SLC33A1: variants seen among roughly 807,000 people sequenced by gnomAD.
SLC33A1 encodes solute carrier family 33 member 1, also known as acetyl-coenzyme A transporter 1.
A neutral mutation model predicts 50.0 loss-of-function variants in SLC33A1; 20 were observed. The observed-to-expected ratio is 0.40, with a 90% CI of 0.28 to 0.58. The LOEUF is 0.58. SLC33A1 is among the 20% of genes least tolerant of loss of function. SLC33A1 has a pLI of 0.44. For missense variants in SLC33A1, 476 were observed against 657.0 expected, an observed-to-expected ratio of 0.72 and a Z score of 3.01; for synonymous variants, 265 against 251.8, an observed-to-expected ratio of 1.05 and a Z score of -0.50.
In SLC33A1 at chr3:155,822,845, G is replaced by A. The variant is rs374175355; in HGVS notation, c.*5365C>T. 2 of 152,006 alleles carry A rather than the reference G, an allele frequency of 1.3e-5. No individual in the cohort carries two copies. The highest frequency in any genetic ancestry group is 4.8e-5 in the African/African-American group (2 of 41,396). The allele number at this position is 152,006 out of a possible 1,614,324, so 9.4% of individuals were successfully genotyped here. A position where few individuals can be genotyped will look rare whatever the true frequency, so the allele number is the denominator to read the frequency against. On this transcript the variant is annotated 3_prime_UTR_variant, in exon 6 of 6. Coordinates refer to ENST00000643144, the MANE Select transcript of SLC33A1 (RefSeq NM_004733.4). ...TTGGGCAAAATTTTTTTAGAGTAAA[G>A]GTGATTAGTCATAGAACTTTCTTTC... is the stretch of plus-strand genomic sequence containing the variant.
chr3:155,840,492 G>A (rs1360887610), intron 2 of SLC33A1, among the ~76,000 whole-genome samples: 1 of 151,680 alleles, frequency 6.6e-6, no homozygotes, highest in Non-Finnish European at 1.5e-5. Context: ...GAACGGCCTG[G>A]TCAACAGGGT....
chr3:155,831,161 A>G (rs963939012), intron 4 of SLC33A1, among the ~76,000 whole-genome samples: 1 of 152,114 alleles, frequency 6.6e-6, no homozygotes, highest in African/African-American at 2.4e-5. Flanking sequence ...TGTTCACTTA[A>G]TATTTGTTGA....
rs6805683 is a variant in SLC33A1, at chr3:155,824,019, T to G, written c.*4191A>C. ...GTGAGCCACCATGCCCAGCCTGCAA[T>G]AGGTATTCAAAATCCTCCCTAAGAG... On this transcript the variant is annotated 3_prime_UTR_variant, in exon 6 of 6. Coordinates refer to ENST00000643144, the MANE Select transcript of SLC33A1 (RefSeq NM_004733.4). 0.2 allele frequency: 29,986 copies of G among 152,024 alleles called. 7,519 individuals are homozygous for G. The highest frequency in any genetic ancestry group is 0.58 in the African/African-American group (24,031 of 41,382). The allele number at this position is 152,024 out of a possible 1,614,324, so 9.4% of individuals were successfully genotyped here.
chr3:155,824,041 A>C lies in SLC33A1; in HGVS notation c.*4169T>G, dbSNP rs1560008682. Reference sequence around the variant, plus strand: ...CAATAGGTATTCAAAATCCTCCCTAAGAGAAAATAATTGTGCCTCGCTATC... The same window carrying C: ...CAATAGGTATTCAAAATCCTCCCTACGAGAAAATAATTGTGCCTCGCTATC... On this transcript the variant is annotated 3_prime_UTR_variant, in exon 6 of 6. Transcript: ENST00000643144. 2 of 152,172 alleles carry C rather than the reference A, an allele frequency of 1.3e-5. No homozygotes were observed. The highest frequency in any genetic ancestry group is 4.8e-5 in the African/African-American group (2 of 41,458). The allele number at this position is 152,172 out of a possible 1,614,324, so 9.4% of individuals were successfully genotyped here. A position where few individuals can be genotyped will look rare whatever the true frequency, so the allele number is the denominator to read the frequency against.
intron 1 of SLC33A1, among the ~76,000 whole-genome samples, chr3:155,849,518 T>C (rs1161634633): frequency 6.6e-6 from 1 of 151,002 alleles, no homozygotes; most frequent in Non-Finnish European, 1.5e-5. Context: ...CCACTACAGA[T>C]ATAAACAGTT....
chr3:155,839,505 G>T (rs554124213), intron 2 of SLC33A1, among the ~76,000 whole-genome samples: 3 of 151,396 alleles, frequency 2.0e-5, no homozygotes, highest in East Asian at 1.9e-4. Flanking sequence ...ACAGAAAAAT[G>T]AGATTACGGA....
chr3:155,839,759 C>T (rs1752850649), intron 2 of SLC33A1, among the ~76,000 whole-genome samples: 1 of 151,912 alleles, frequency 6.6e-6, no homozygotes, highest in South Asian at 2.1e-4. Context: ...ACCAGCCTGG[C>T]CGACATAGTG....
chr3:155,836,701 A>G (rs955934849), intron 2 of SLC33A1, among the ~76,000 whole-genome samples: 2 of 152,138 alleles, frequency 1.3e-5, no homozygotes, highest in African/African-American at 4.8e-5. Context: ...GCTCAAGACC[A>G]GTCTGGACAT....
Position 155,824,718 on chromosome 3 carries a change from T to C in SLC33A1, c.*3492A>G, listed in dbSNP as rs936756096. The stretch of plus-strand genomic sequence containing the variant: ...TTTCAAAACCATGATTTTTGGATCA[T>C]GGCCCATCCAAGATTTTACTCTGTT... On this transcript the variant is annotated 3_prime_UTR_variant, in exon 6 of 6. Coordinates refer to ENST00000643144, the MANE Select transcript of SLC33A1 (RefSeq NM_004733.4). The C allele has an allele frequency of 3.9e-5, 6 of 152,136 alleles. No homozygotes were observed. Among genetic ancestry groups the C allele is most frequent in the African/African-American group, 1.2e-4 (5 of 41,424 alleles). The allele number at this position is 152,136 out of a possible 1,614,324, so 9.4% of individuals were successfully genotyped here.
In SLC33A1 at chr3:155,842,521, G is replaced by A. The variant is rs146695209; in HGVS notation, c.874C>T (p.Gln292Ter). ...NEVSVVKEET[Q>*]GITDTYKLLF... ...AGCTTGTAAGTATCTGTGATCCCTT[G>A]TGTTTCTTCTTTTACTACTGATACT... Residue 292 changes from glutamine to a stop codon, truncating the protein, a stop_gained, in exon 2 of 6, where the codon CAA becomes TAA. Transcript: ENST00000643144. LOFTEE classifies it high-confidence loss of function. The A allele has an allele frequency of 6.2e-7, 1 of 1,609,152 alleles. No individual in the cohort carries two copies. Among genetic ancestry groups the A allele is most frequent in the Non-Finnish European group, 8.5e-7 (1 of 1,176,632 alleles).
chr3:155,829,648 A>T, intron 5 of SLC33A1, 40 bp downstream of exon 5: 1 of 1,305,338 alleles, frequency 7.7e-7, no homozygotes, highest in Non-Finnish European at 1.1e-6. Context: ...TTAATATCTT[A>T]GTATTAGCTT....
At position 155,824,147 on chromosome 3, in the gene SLC33A1, T is replaced by C. The variant is rs1752151352; in HGVS notation, c.*4063A>G. The C allele has an allele frequency of 6.6e-6, 1 of 152,232 alleles. No individual in the cohort carries two copies. Among genetic ancestry groups the C allele is most frequent in the South Asian group, 2.1e-4 (1 of 4,836 alleles). The allele number at this position is 152,232 out of a possible 1,614,324, so 9.4% of individuals were successfully genotyped here. ...TTCCCTTCTGTAACCAAAATACTTA[T>C]TAAATATATGAATGCTAGTTATCAG... is the stretch of plus-strand genomic sequence containing the variant. On this transcript the variant is annotated 3_prime_UTR_variant, in exon 6 of 6. Transcript: ENST00000643144.
chr3:155,839,216 C>T (rs1394024444), intron 2 of SLC33A1, among the ~76,000 whole-genome samples: 6 of 147,622 alleles, frequency 4.1e-5, no homozygotes, highest in African/African-American at 7.4e-5. Flanking sequence ...GCAGGAAAAT[C>T]GCTTGAATCC....
In SLC33A1 at chr3:155,821,847, A is replaced by T. The variant is rs1752099245; in HGVS notation, c.*6363T>A. ...GAGAATAGTAGCACAATCTCGGCTC[A>T]CTGCAACATCCCTCTCTCAGGTTCA... On this transcript the variant is annotated 3_prime_UTR_variant, in exon 6 of 6. Transcript: ENST00000643144. 1 of 149,332 alleles carries T rather than the reference A, an allele frequency of 6.7e-6. No homozygotes were observed. Among genetic ancestry groups the T allele is most frequent in the African/African-American group, 2.5e-5 (1 of 40,410 alleles). The allele number at this position is 149,332 out of a possible 1,614,324, so 9.3% of individuals were successfully genotyped here.
Position 155,853,895 on chromosome 3 carries a change from A to C in SLC33A1, c.103T>G (p.Trp35Gly). ...MKSGPLPPGG[W>G]DDSHLDSAGR... ...GCTGAGTCCAAATGACTGTCATCCC[A>C]ACCGCCTGGCGGCAGGGGACCGCTC... The change falls in exon 1 of 6, where the codon TGG becomes GGG. Residue 35 changes from tryptophan (W) to glycine (G), a missense_variant. Trp to Gly is a radical substitution (Grantham distance 184, BLOSUM62 -2). Transcript: ENST00000643144. 1 of 1,549,598 alleles carries C rather than the reference A, an allele frequency of 6.5e-7. No individual in the cohort carries two copies. Among genetic ancestry groups the C allele is most frequent in the South Asian group, 1.2e-5 (1 of 80,134 alleles).
At chr3:155,839,941 T>G (rs1752859276) in intron 2 of SLC33A1, among the ~76,000 whole-genome samples, 1 of 151,566 alleles carries the variant, frequency 6.6e-6, no homozygotes, top group Non-Finnish European at 1.5e-5. Context: ...TGAGACTCAG[T>G]CTCAAAATAA....
Position 155,825,358 on chromosome 3 carries a change from A to ATAAT in SLC33A1, c.*2851_*2852insATTA, listed in dbSNP as rs1159700437. 5.3e-5 allele frequency: 8 copies of ATAAT among 151,870 alleles called. No homozygotes were observed. The highest frequency in any genetic ancestry group is 2.0e-4 in the Admixed American group (3 of 15,218). The allele number at this position is 151,870 out of a possible 1,614,324, so 9.4% of individuals were successfully genotyped here. A position where few individuals can be genotyped will look rare whatever the true frequency, so the allele number is the denominator to read the frequency against. ...AGTCATAAAGACAGGTTCTTATTAT[A>ATAAT]TTGACCAGGTTGGTCTTGAACTCTT... On this transcript the variant is annotated 3_prime_UTR_variant, in exon 6 of 6. Coordinates refer to ENST00000643144, the MANE Select transcript of SLC33A1 (RefSeq NM_004733.4).
intron 2 of SLC33A1, among the ~76,000 whole-genome samples, chr3:155,838,228 C>T (rs561567622): frequency 2.7e-5 from 4 of 148,704 alleles, no homozygotes; most frequent in Non-Finnish European, 6.0e-5. Context: ...TCTTGAACCC[C>T]GGAGGCAGGG....
chr3:155,853,173 C>A (rs763332347), intron 1 of SLC33A1, 50 bp downstream of exon 1: 2 of 1,515,540 alleles, frequency 1.3e-6, no homozygotes, highest in East Asian at 4.5e-5. Flanking sequence ...GTCACACACT[C>A]TTTCAAAAGG....
Sources: gnomAD v4.1 joint callset for allele counts (sites outside exome capture counted in the v4.1 genomes callset) on GRCh38, gnomAD v4.1.1 for gene constraint, MANE v1.5 for transcripts, NCBI Gene and HGNC (gene_info 2026-07-23, HGNC 2026-07-21) for gene names.